CLNS1A: variants seen among roughly 807,000 people sequenced by gnomAD.
The protein encoded by CLNS1A is methylosome subunit pICln.
In CLNS1A, 16 loss-of-function variants were observed where a neutral mutation model predicts 29.4. The ratio of observed to expected loss-of-function variants is 0.54; its 90% CI spans 0.37 to 0.83. CLNS1A has a LOEUF of 0.83. Ranked by LOEUF, CLNS1A falls within the 40% of genes least tolerant of loss-of-function variation. The pLI is 0.00. For synonymous variants in CLNS1A, 96 were observed against 104.8 expected (o/e 0.92, Z 0.51); for missense variants, 235 against 287.4 (o/e 0.82, Z 1.32).
intron 1 of CLNS1A, among the ~76,000 whole-genome samples, chr11:77,633,084 C>CAAAAAAAAA: frequency 1.8e-5 from 1 of 55,606 alleles, no homozygotes; most frequent in Non-Finnish European, 3.8e-5. Context: ...GACTCCATCT[C>CAAAAAAAAA]AAAAAAAAAA....
Position 77,619,945 on chromosome 11 carries a change from G to A in CLNS1A, c.647-250C>T, listed in dbSNP as rs180767082. Among the ~76,000 whole-genome samples the A allele has an allele frequency of 8.0e-4, 122 of 152,282 alleles. 2 individuals are homozygous for A. The highest frequency in any genetic ancestry group is 1.6e-3 in the Non-Finnish European group (107 of 68,028). The stretch of plus-strand genomic sequence containing the variant: ...TCAATACTAAAATAACTCTATGTAG[G>A]AACTTTCAAATGCAGTATCAATTGT... On this transcript the variant is annotated intron_variant, in intron 5 of 6. Coordinates refer to ENST00000525428, the MANE Select transcript of CLNS1A (RefSeq NM_001293.3).
chr11:77,622,764 A>G, intron 4 of CLNS1A, 91 bp from the exon 5 acceptor site: 2 of 997,564 alleles, frequency 2.0e-6, no homozygotes, highest in Non-Finnish European at 2.9e-6. Flanking sequence ...CCTGGCCAAC[A>G]TGGTGAAACC....
At chr11:77,620,614 C>T (rs1958947462) in intron 5 of CLNS1A, among the ~76,000 whole-genome samples, 1 of 152,064 alleles carries the variant, frequency 6.6e-6, no homozygotes, top group Non-Finnish European at 1.5e-5. Flanking sequence ...GCCTGGCCAA[C>T]ATGGCAAAAC....
intron 1 of CLNS1A, among the ~76,000 whole-genome samples, chr11:77,630,594 C>A (rs1427734943): frequency 2.0e-5 from 3 of 152,114 alleles, no homozygotes; most frequent in African/African-American, 7.2e-5. Context: ...TAAGAGAAAG[C>A]CACAGAAAAG....
rs922676094 is a variant in CLNS1A at position 77,616,480 on chromosome 11, T to C, written c.*238A>G. On this transcript the variant is annotated 3_prime_UTR_variant, in exon 7 of 7. Transcript: ENST00000525428. ...CAGACACAGAAAGTTTTAGGGTAAA[T>C]AGTAAACTACAAATACCCTCTTGGT... The C allele has an allele frequency of 2.6e-5, 4 of 152,630 alleles. No homozygotes were observed. The highest frequency in any genetic ancestry group is 7.2e-5 in the African/African-American group (3 of 41,454). 9.5% of individuals were successfully genotyped at this position (152,630 alleles called of 1,614,324 possible). A position where few individuals can be genotyped will look rare whatever the true frequency, so the allele number is the denominator to read the frequency against.
intron 3 of CLNS1A, chr11:77,625,512 A>AAT: frequency 1.9e-6 from 1 of 537,100 alleles, no homozygotes; most frequent in Non-Finnish European, 3.2e-6. Flanking sequence ...GAGTGTCTAC[A>AAT]ATATTCTCAC....
chr11:77,635,084 C>T (rs973805818), intron 1 of CLNS1A, among the ~76,000 whole-genome samples: 22 of 152,130 alleles, frequency 1.4e-4, no homozygotes, highest in Admixed American at 9.8e-4. Context: ...CGATTACAGG[C>T]GTAAGCCACC....
At chr11:77,627,050 A>T (rs1325481110) in intron 2 of CLNS1A, among the ~76,000 whole-genome samples, 2 of 151,840 alleles carry the variant, frequency 1.3e-5, no homozygotes, top group Admixed American at 6.6e-5. Context: ...AAAAAAAAAA[A>T]CTTAGAGCTT....
rs1959149977 is a variant in CLNS1A, at chr11:77,637,770, C to G, written c.-56G>C. ...GGGAGTTGGAGCACAGCAATGCGTG[C>G]ACCACACCGCCCGCCCTGGAAGAGG... On this transcript the variant is annotated 5_prime_UTR_variant, in exon 1 of 7. Transcript: ENST00000525428. 7 of 1,502,812 alleles carry G rather than the reference C, an allele frequency of 4.7e-6. No individual in the cohort carries two copies. Among genetic ancestry groups the G allele is most frequent in the African/African-American group, 1.4e-5 (1 of 71,744 alleles). 93.1% of individuals were successfully genotyped at this position (1,502,812 alleles called of 1,614,324 possible). A position where few individuals can be genotyped will look rare whatever the true frequency, so the allele number is the denominator to read the frequency against.
chr11:77,637,255 A>AAAAAAAAAAG (rs1219976827), intron 1 of CLNS1A, among the ~76,000 whole-genome samples: 2 of 145,828 alleles, frequency 1.4e-5, no homozygotes, highest in African/African-American at 5.2e-5. Context: ...AAAAAAAAAA[A>AAAAAAAAAAG]AAAAGAAAAT....
chr11:77,624,965 T>G lies in CLNS1A; in HGVS notation c.470A>C (p.His157Pro), dbSNP rs143864010. 3.1e-6 allele frequency: 5 copies of G among 1,597,162 alleles called. No individual in the cohort carries two copies. In the African/African-American group the frequency reaches 6.7e-5, roughly 21 times the overall value. ...ACTTTAAAATCCATTTCACTAACCA[T>G]GTGCTTCCACATCATATTCTTCTCC... is the stretch of plus-strand genomic sequence containing the variant. ...YDGEEYDVEA[H>P]EQGQGDIPTF... is the part of the protein sequence containing the mutation. The change falls in exon 4 of 7, where the codon CAT becomes CCT. Residue 157 changes from histidine (H) to proline (P), a missense_variant and splice_region_variant. Coordinates refer to ENST00000525428, the MANE Select transcript of CLNS1A (RefSeq NM_001293.3).
At chr11:77,636,055 A>G (rs1261004716) in intron 1 of CLNS1A, among the ~76,000 whole-genome samples, 2 of 151,904 alleles carry the variant, frequency 1.3e-5, no homozygotes, top group African/African-American at 4.8e-5. Context: ...CTTTCCCAAG[A>G]TACACATTCT....
chr11:77,625,774 C>T lies in CLNS1A; in HGVS notation c.307G>A (p.Asp103Asn). Residue 103 changes from aspartate (D) to asparagine (N), a missense_variant, in exon 3 of 7, where the codon GAT (aspartate) becomes AAT (asparagine). By Grantham distance (23) the Asp-to-Asn change is conservative. Transcript: ENST00000525428. ...TCAGTAATAGGTTCAACATCATCAT[C>T]ACTGTCTTCCTCTTCTTCATCAGCA... is the stretch of plus-strand genomic sequence containing the variant. The part of the protein sequence containing the change: ...PVADEEEEDS[D>N]DDVEPITEFR... 6.2e-7 allele frequency: 1 copy of T among 1,607,634 alleles called. No homozygotes were observed. Among genetic ancestry groups the T allele is most frequent in the Non-Finnish European group, 8.5e-7 (1 of 1,174,274 alleles).
chr11:77,623,443 T>A (rs1214909139), intron 4 of CLNS1A, among the ~76,000 whole-genome samples: 3 of 151,992 alleles, frequency 2.0e-5, no homozygotes, highest in Non-Finnish European at 4.4e-5. Flanking sequence ...ATGTTTTTTT[T>A]AATTAGCCGG....
chr11:77,635,840 C>T (rs7925252), intron 1 of CLNS1A, among the ~76,000 whole-genome samples: 29,810 of 152,066 alleles, frequency 0.2, 3,928 homozygotes, highest in African/African-American at 0.36. Flanking sequence ...TATCAAAGAT[C>T]TCCTTGTCAA....
intron 3 of CLNS1A, 145 bp from the exon 4 acceptor site, chr11:77,625,215 A>C: frequency 1.6e-6 from 1 of 616,768 alleles, no homozygotes; most frequent in South Asian, 2.1e-5. Context: ...CGGTTGAAGC[A>C]AAAGACAAGT....
intron 1 of CLNS1A, among the ~76,000 whole-genome samples, chr11:77,633,184 G>A (rs1210064760): frequency 6.6e-6 from 1 of 150,924 alleles, no homozygotes; most frequent in Non-Finnish European, 1.5e-5. Flanking sequence ...AAATCCTATT[G>A]CACATGAATT....
intron 5 of CLNS1A, chr11:77,621,997 G>A (rs1163489252): frequency 4.4e-6 from 2 of 456,012 alleles, no homozygotes; most frequent in African/African-American, 4.0e-5. Flanking sequence ...CAGTCACGTG[G>A]GCCAATTTCT....
Position 77,629,754 on chromosome 11 carries a change from C to A in CLNS1A, c.262+9G>T, listed in dbSNP as rs754300089. The stretch of plus-strand genomic sequence containing the variant: ...AAGGAGGCATTAGATTAAATTACAC[C>A]ATACATACCTTCAAATTTGGCATTC... On this transcript the variant is annotated intron_variant, in intron 2 of 6. Coordinates refer to ENST00000525428, the MANE Select transcript of CLNS1A (RefSeq NM_001293.3). The A allele has an allele frequency of 6.2e-7, 1 of 1,610,444 alleles. No homozygotes were observed. Among genetic ancestry groups the A allele is most frequent in the Non-Finnish European group, 8.5e-7 (1 of 1,179,028 alleles).
Sources: allele counts gnomAD v4.1 joint callset (sites outside exome capture counted in the v4.1 genomes callset), GRCh38; gene constraint gnomAD v4.1.1; transcripts MANE v1.5; gene names NCBI Gene and HGNC (gene_info 2026-07-23, HGNC 2026-07-21).